Variants in ASTN2 observed in about 807,000 individuals in gnomAD.
ASTN2 encodes astrotactin 2, also known as astrotactin-2.
A neutral mutation model predicts 139.8 loss-of-function variants in ASTN2; 54 were observed. That is an observed-to-expected ratio of 0.39 (90% confidence interval 0.31 to 0.48). The LOEUF (loss-of-function observed/expected upper bound fraction) is 0.48, where lower values mean the gene tolerates loss of function less well. ASTN2 is among the 20% of genes least tolerant of loss of function. The pLI is 0.95. For synonymous variants in ASTN2, 756 were observed against 719.5 expected (o/e 1.05, Z -0.81); for missense variants, 1,565 against 1,725.1 (o/e 0.91, Z 1.64).
chr9:117,036,652 C>A (rs1226681573), intron 6 of ASTN2, among the ~76,000 whole-genome samples: 1 of 152,158 alleles, frequency 6.6e-6, no homozygotes, highest in Non-Finnish European at 1.5e-5. Context: ...AACCCCAGAG[C>A]CTGCTAAAGT....
chr9:116,474,166 C>G (rs1407322875), intron 20 of ASTN2, among the ~76,000 whole-genome samples: 1 of 152,142 alleles, frequency 6.6e-6, no homozygotes, highest in African/African-American at 2.4e-5. Flanking sequence ...CGTAGACTCT[C>G]AGATACCCAA....
intron 16 of ASTN2, among the ~76,000 whole-genome samples, chr9:116,687,617 C>T (rs1860333396): frequency 6.9e-6 from 1 of 144,930 alleles, no homozygotes; most frequent in Admixed American, 6.8e-5. Flanking sequence ...GGGAGGGGAG[C>T]GAGGGGCTCT....
At chr9:116,688,911 A>T (rs2132045219) in intron 16 of ASTN2, among the ~76,000 whole-genome samples, 1 of 152,170 alleles carries the variant, frequency 6.6e-6, no homozygotes, top group African/African-American at 2.4e-5. Flanking sequence ...GGTATTGAGC[A>T]TTTAGTCCTG....
At chr9:117,329,710 A>G (rs1158280465) in intron 1 of ASTN2, among the ~76,000 whole-genome samples, 1 of 152,196 alleles carries the variant, frequency 6.6e-6, no homozygotes, top group African/African-American at 2.4e-5. Context: ...GACTCCATAT[A>G]AAGTGGCCAT....
intron 19 of ASTN2, among the ~76,000 whole-genome samples, chr9:116,606,687 A>T (rs1588070866): frequency 6.8e-6 from 1 of 147,672 alleles, no homozygotes; most frequent in Admixed American, 6.8e-5. Flanking sequence ...CCTCCCTTTA[A>T]TTTTTTTTTT....
intron 2 of ASTN2, among the ~76,000 whole-genome samples, chr9:117,279,258 T>C (rs950212822): frequency 2.0e-5 from 3 of 152,214 alleles, no homozygotes; most frequent in South Asian, 2.1e-4. Context: ...ATACAGCAGA[T>C]GGAGCAGAGA....
At position 116,781,719 on chromosome 9, in the gene ASTN2, T is replaced by G. The variant is rs187015695; in HGVS notation, c.2396+23913A>C. Reference sequence around the variant, plus strand: ...TCTGATTCCTCCATGGGTTTCTTGATGCAGTCTGAGCATTGGATCTATTAA... The same window carrying G: ...TCTGATTCCTCCATGGGTTTCTTGAGGCAGTCTGAGCATTGGATCTATTAA... On this transcript the variant is annotated intron_variant, in intron 13 of 22. Coordinates refer to ENST00000313400, the MANE Select transcript of ASTN2 (RefSeq NM_001365068.1). 1.9e-3 allele frequency among the ~76,000 whole-genome samples: 294 copies of G among 152,282 alleles called. 16 individuals carry two copies. Among genetic ancestry groups the G allele is most frequent in the Admixed American group, 1.7e-3 (26 of 15,288 alleles).
chr9:117,113,786 T>G (rs1829308711), intron 4 of ASTN2, among the ~76,000 whole-genome samples: 1 of 152,204 alleles, frequency 6.6e-6, no homozygotes, highest in Non-Finnish European at 1.5e-5. Context: ...GTGAGTCCAT[T>G]TAAATGAAAT....
intron 1 of ASTN2, among the ~76,000 whole-genome samples, chr9:117,368,010 T>A (rs571113647): frequency 6.6e-6 from 1 of 152,048 alleles, no homozygotes; most frequent in Non-Finnish European, 1.5e-5. Flanking sequence ...TTCTTGCTTG[T>A]AAATAGAATG....
intron 1 of ASTN2, among the ~76,000 whole-genome samples, chr9:117,358,309 T>C (rs1319033092): frequency 6.7e-6 from 1 of 148,874 alleles, no homozygotes; most frequent in Non-Finnish European, 1.5e-5. Flanking sequence ...CACATCCACA[T>C]CCACACACAT....
At chr9:116,579,818 C>T (rs1415632579) in intron 19 of ASTN2, among the ~76,000 whole-genome samples, 1 of 152,036 alleles carries the variant, frequency 6.6e-6, no homozygotes, top group African/African-American at 2.4e-5. Flanking sequence ...CTAAGTCACA[C>T]CTAAGTCACA....
At chr9:117,385,094 T>G (rs1035008020) in intron 1 of ASTN2, among the ~76,000 whole-genome samples, 2 of 152,160 alleles carry the variant, frequency 1.3e-5, no homozygotes, top group Non-Finnish European at 2.9e-5. Flanking sequence ...ATTCTTCACT[T>G]CAGGAAAAAA....
intron 10 of ASTN2, among the ~76,000 whole-genome samples, chr9:116,884,788 A>T (rs1477311356): frequency 1.4e-5 from 2 of 142,186 alleles, no homozygotes; most frequent in African/African-American, 5.5e-5. Flanking sequence ...TGTGCATGTC[A>T]ATCTCCAAAT....
intron 1 of ASTN2, among the ~76,000 whole-genome samples, chr9:117,358,509 C>T (rs1384355673): frequency 2.0e-5 from 3 of 152,214 alleles, no homozygotes; most frequent in South Asian, 2.1e-4. Flanking sequence ...CATTTGAATG[C>T]GAAAGGGGCC....
intron 19 of ASTN2, among the ~76,000 whole-genome samples, chr9:116,559,387 T>C (rs1413248327): frequency 4.6e-5 from 7 of 152,216 alleles, no homozygotes; most frequent in African/African-American, 1.4e-4. Flanking sequence ...CCTATGCTTC[T>C]GGTGCTGAGA....
chr9:117,144,013 G>A (rs1830134260), intron 3 of ASTN2, among the ~76,000 whole-genome samples: 2 of 152,202 alleles, frequency 1.3e-5, no homozygotes, highest in African/African-American at 4.8e-5. Context: ...ACTGTATTTG[G>A]AGGTGAGGGT....
In ASTN2 at chr9:116,734,073, C is replaced by CT. The variant is rs552902291; in HGVS notation, c.2397-551dup. 2.6e-4 allele frequency among the ~76,000 whole-genome samples: 39 copies of CT among 147,672 alleles called. 1 individual carries two copies. Among genetic ancestry groups the CT allele is most frequent in the Admixed American group, 5.4e-4 (8 of 14,782 alleles). ...TGTTAAATGGAAGGGCCCTAAGAGA[C>CT]TTTTTTTTTTGGCTCAAACTTTTCC... On this transcript the variant is annotated intron_variant, in intron 13 of 22. Transcript: ENST00000313400.
intron 1 of ASTN2, among the ~76,000 whole-genome samples, chr9:117,300,340 G>A (rs1008215125): frequency 1.3e-5 from 2 of 152,192 alleles, no homozygotes; most frequent in African/African-American, 2.4e-5. Flanking sequence ...ATTCATAGTA[G>A]AAGGCGATGC....
At chr9:116,514,849 G>A (rs187066444) in intron 19 of ASTN2, among the ~76,000 whole-genome samples, 8 of 152,274 alleles carry the variant, frequency 5.3e-5, no homozygotes, top group East Asian at 1.9e-4. Context: ...TTGGAAAAGC[G>A]CAGTATTAGG....
Sources: gnomAD v4.1 joint callset for allele counts (sites outside exome capture counted in the v4.1 genomes callset) on GRCh38, gnomAD v4.1.1 for gene constraint, MANE v1.5 for transcripts, NCBI Gene and HGNC (gene_info 2026-07-23, HGNC 2026-07-21) for gene names.